ERBB4: variants seen among roughly 807,000 people sequenced by gnomAD.
The protein encoded by ERBB4 is receptor tyrosine-protein kinase erbB-4.
A neutral mutation model predicts 158.0 loss-of-function variants in ERBB4; 42 were observed. That is an observed-to-expected ratio of 0.27 (90% confidence interval 0.21 to 0.34). ERBB4 has a LOEUF of 0.34. Among genes scored for constraint, ERBB4 ranks in the 10% least tolerant of loss-of-function variants. The pLI is 1.00. For missense variants in ERBB4, 1,333 were observed against 1,624.1 expected (o/e 0.82, Z 3.08); for synonymous variants, 583 against 558.7 (o/e 1.04, Z -0.61).
At chr2:211,864,419 A>G (rs924296124) in intron 3 of ERBB4, among the ~76,000 whole-genome samples, 2 of 152,146 alleles carry the variant, frequency 1.3e-5, no homozygotes, top group African/African-American at 4.8e-5. Flanking sequence ...CAGTAACTCC[A>G]GGCTGCTTCA....
intron 1 of ERBB4, among the ~76,000 whole-genome samples, chr2:212,329,348 T>G (rs1015504317): frequency 3.3e-5 from 5 of 152,114 alleles, no homozygotes; most frequent in African/African-American, 1.2e-4. Flanking sequence ...AGAATTGCTT[T>G]TTTAGCTTTT....
chr2:212,136,471 C>T (rs1575685683), intron 1 of ERBB4, among the ~76,000 whole-genome samples: 2 of 152,294 alleles, frequency 1.3e-5, no homozygotes, highest in East Asian at 1.9e-4. Context: ...GTCTCTCTTC[C>T]TTCAAAGCAT....
chr2:212,299,077 T>C (rs2086525269), intron 1 of ERBB4, among the ~76,000 whole-genome samples: 1 of 151,722 alleles, frequency 6.6e-6, no homozygotes, highest in African/African-American at 2.4e-5. Flanking sequence ...CATTTAACCC[T>C]CATTATAATT....
At chr2:211,650,152 T>C (rs2070930856) in intron 16 of ERBB4, among the ~76,000 whole-genome samples, 1 of 151,996 alleles carries the variant, frequency 6.6e-6, no homozygotes, top group African/African-American at 2.4e-5. Context: ...TTACTTAGGA[T>C]CTAATACAAT....
intron 1 of ERBB4, among the ~76,000 whole-genome samples, chr2:212,352,551 G>C (rs2089298371): frequency 6.6e-6 from 1 of 152,010 alleles, no homozygotes; most frequent in African/African-American, 2.4e-5. Flanking sequence ...ATGTATATGT[G>C]TAAAACCATA....
chr2:212,347,406 G>T (rs1505360), intron 1 of ERBB4, among the ~76,000 whole-genome samples: 54,178 of 151,894 alleles, frequency 0.36, 11,659 homozygotes, highest in East Asian at 0.77. Context: ...AAAAAAAAGG[G>T]CATTGGGAAT....
At chr2:212,355,225 GACT>G (rs1476520959) in intron 1 of ERBB4, among the ~76,000 whole-genome samples, 1 of 151,906 alleles carries the variant, frequency 6.6e-6, no homozygotes, top group Non-Finnish European at 1.5e-5. Flanking sequence ...TTATAACTAA[GACT>G]ACTACATCTT....
At chr2:211,950,805 C>T (rs1043636269) in intron 2 of ERBB4, among the ~76,000 whole-genome samples, 5 of 152,052 alleles carry the variant, frequency 3.3e-5, no homozygotes, top group South Asian at 2.1e-4. Flanking sequence ...CAGTGATATG[C>T]ATTGTTCGTA....
At chr2:211,570,581 C>A (rs978649585) in intron 19 of ERBB4, among the ~76,000 whole-genome samples, 2 of 151,656 alleles carry the variant, frequency 1.3e-5, no homozygotes, top group African/African-American at 4.8e-5. Context: ...GTGAAATGTA[C>A]TTTTGACACC....
chr2:212,143,757 C>T (rs2080564690), intron 1 of ERBB4, among the ~76,000 whole-genome samples: 1 of 152,104 alleles, frequency 6.6e-6, no homozygotes, highest in Non-Finnish European at 1.5e-5. Flanking sequence ...GTGGCTCATG[C>T]CTGTAATCCC....
At position 211,793,904 on chromosome 2, in the gene ERBB4, T is replaced by C. The variant is rs555880897; in HGVS notation, c.422-5745A>G. Among the ~76,000 whole-genome samples, 391 of 151,968 alleles carry C rather than the reference T, an allele frequency of 2.6e-3. 3 individuals carry two copies. Among genetic ancestry groups the C allele is most frequent in the African/African-American group, 9.3e-3 (384 of 41,502 alleles). On this transcript the variant is annotated intron_variant, in intron 3 of 27. Coordinates refer to ENST00000342788, the MANE Select transcript of ERBB4 (RefSeq NM_005235.3). ...AGCTTTGAAGTTTTTATACAGATGA[T>C]TTAAGGAGAGTTGAAGTGTGCAAAA...
intron 3 of ERBB4, among the ~76,000 whole-genome samples, chr2:211,946,576 CTTTTTTTTTTTTT>C (rs56007115): frequency 8.1e-5 from 4 of 49,586 alleles, no homozygotes; most frequent in South Asian, 9.8e-4. Flanking sequence ...AATTAGCTCT[CTTTTTTTTTTTTT>C]TTTTTTTTTT....
At chr2:212,303,909 C>A (rs972682201) in intron 1 of ERBB4, among the ~76,000 whole-genome samples, 2 of 151,370 alleles carry the variant, frequency 1.3e-5, no homozygotes, top group Non-Finnish European at 3.0e-5. Flanking sequence ...AAAGTAGGAA[C>A]AATGGAAACA....
intron 1 of ERBB4, among the ~76,000 whole-genome samples, chr2:212,284,676 C>T (rs577052687): frequency 6.6e-6 from 1 of 152,222 alleles, no homozygotes; most frequent in Admixed American, 6.6e-5. Context: ...GCATGAAATA[C>T]ATAACCATCA....
chr2:211,628,745 A>G (rs1234011386), intron 17 of ERBB4, among the ~76,000 whole-genome samples: 2 of 152,186 alleles, frequency 1.3e-5, no homozygotes, highest in African/African-American at 4.8e-5. Context: ...GAATCACCAC[A>G]CTGACTTCCA....
intron 3 of ERBB4, among the ~76,000 whole-genome samples, chr2:211,827,022 A>T (rs796368781): frequency 5.9e-5 from 9 of 152,154 alleles, no homozygotes; most frequent in African/African-American, 2.2e-4. Flanking sequence ...ACACAGCATG[A>T]ATCCTGGGGG....
In ERBB4 at chr2:211,722,566, A is replaced by C. The variant is rs755486121; in HGVS notation, c.742-32T>G. The C allele has an allele frequency of 8.7e-6, 14 of 1,609,688 alleles. No individual in the cohort carries two copies. In the East Asian group the frequency reaches 2.7e-4, roughly 31 times the overall value. ...CACAGCAAATATTACTTTCATTTACAAATAAACTCATAATACTTGTTAATG... is the reference window on the plus strand; with the variant it reads ...CACAGCAAATATTACTTTCATTTACCAATAAACTCATAATACTTGTTAATG... On this transcript the variant is annotated intron_variant, in intron 6 of 27. Transcript: ENST00000342788.
chr2:212,188,392 G>A (rs1559692597), intron 1 of ERBB4, among the ~76,000 whole-genome samples: 1 of 150,370 alleles, frequency 6.7e-6, no homozygotes, highest in Non-Finnish European at 1.5e-5. Flanking sequence ...TAAATGGTCA[G>A]GGTACACCTC....
chr2:211,594,945 T>C (rs939478302), intron 19 of ERBB4, among the ~76,000 whole-genome samples: 2 of 152,198 alleles, frequency 1.3e-5, no homozygotes, highest in African/African-American at 4.8e-5. Flanking sequence ...TATGTCTACA[T>C]AAATATATCC....
Sources: gnomAD v4.1 joint callset for allele counts (sites outside exome capture counted in the v4.1 genomes callset) on GRCh38, gnomAD v4.1.1 for gene constraint, MANE v1.5 for transcripts, NCBI Gene and HGNC (gene_info 2026-07-23, HGNC 2026-07-21) for gene names.